PTPRM: variants seen among roughly 807,000 people sequenced by gnomAD.
PTPRM encodes protein tyrosine phosphatase receptor type M.
In PTPRM, 47 loss-of-function variants were observed where a neutral mutation model predicts 186.7. The observed-to-expected ratio is 0.25, with a 90% CI of 0.20 to 0.32. The LOEUF (loss-of-function observed/expected upper bound fraction) is 0.32. PTPRM is among the 10% of genes least tolerant of loss of function. The pLI, the probability that PTPRM is intolerant of heterozygous loss-of-function variation, is 1.00. For synonymous variants in PTPRM, 668 were observed against 674.9 expected (o/e 0.99, Z 0.16); for missense variants, 1,494 against 1,865.0 (o/e 0.80, Z 3.66).
intron 1 of PTPRM, among the ~76,000 whole-genome samples, chr18:7,663,896 C>T (rs903727858): frequency 2.0e-5 from 3 of 152,140 alleles, no homozygotes; most frequent in African/African-American, 7.2e-5. Context: ...CTCTGCCCCC[C>T]TCCAGCCCCA....
At chr18:8,092,501 C>T (rs1356189585) in intron 11 of PTPRM, among the ~76,000 whole-genome samples, 3 of 152,216 alleles carry the variant, frequency 2.0e-5, no homozygotes, top group Non-Finnish European at 2.9e-5. Context: ...GCAGTCTTGA[C>T]CTTCTGAGGC....
At chr18:8,179,895 A>C (rs1377232713) in intron 14 of PTPRM, among the ~76,000 whole-genome samples, 1 of 152,154 alleles carries the variant, frequency 6.6e-6, no homozygotes, top group African/African-American at 2.4e-5. Context: ...CTTTACCTTT[A>C]TAACCTTTGA....
At chr18:7,622,090 G>A (rs2143981308) in intron 1 of PTPRM, among the ~76,000 whole-genome samples, 1 of 152,284 alleles carries the variant, frequency 6.6e-6, no homozygotes, top group South Asian at 2.1e-4. Context: ...TGATGAATGA[G>A]GGTTCCTGCT....
At chr18:7,783,566 A>G (rs371663180) in intron 2 of PTPRM, among the ~76,000 whole-genome samples, 1 of 151,726 alleles carries the variant, frequency 6.6e-6, no homozygotes, top group African/African-American at 2.4e-5. Flanking sequence ...TTTTATTATT[A>G]TTTTATTTAT....
intron 7 of PTPRM, among the ~76,000 whole-genome samples, chr18:7,999,018 G>A (rs185839498): frequency 6.6e-6 from 1 of 152,252 alleles, no homozygotes; most frequent in East Asian, 1.9e-4. Flanking sequence ...TTTATAATTT[G>A]TATTCATTCC....
intron 1 of PTPRM, among the ~76,000 whole-genome samples, chr18:7,707,602 G>C (rs1399781143): frequency 2.0e-5 from 3 of 152,082 alleles, no homozygotes; most frequent in African/African-American, 7.2e-5. Flanking sequence ...TCATGCAACT[G>C]TACTCTAGGC....
At chr18:8,289,712 A>G (rs539361741) in intron 19 of PTPRM, among the ~76,000 whole-genome samples, 4 of 151,528 alleles carry the variant, frequency 2.6e-5, no homozygotes, top group African/African-American at 9.7e-5. Flanking sequence ...AGATAATTGT[A>G]CGATAACAAT....
At chr18:7,963,136 C>T (rs774543485) in intron 7 of PTPRM, among the ~76,000 whole-genome samples, 4 of 152,190 alleles carry the variant, frequency 2.6e-5, no homozygotes, top group Non-Finnish European at 5.9e-5. Context: ...AGTACCTTCC[C>T]TATTATGCTG....
chr18:7,973,045 A>T (rs1213141377), intron 7 of PTPRM, among the ~76,000 whole-genome samples: 1 of 152,174 alleles, frequency 6.6e-6, no homozygotes, highest in African/African-American at 2.4e-5. Context: ...TTATATAAAC[A>T]TATATAACCC....
chr18:7,790,903 T>A (rs896807323), intron 2 of PTPRM, among the ~76,000 whole-genome samples: 2 of 151,840 alleles, frequency 1.3e-5, no homozygotes, highest in African/African-American at 4.8e-5. Context: ...AAATGAAAGT[T>A]GGTTTTAAAA....
chr18:8,330,061 C>T (rs1006964001), intron 22 of PTPRM, among the ~76,000 whole-genome samples: 1 of 152,174 alleles, frequency 6.6e-6, no homozygotes, highest in African/African-American at 2.4e-5. Flanking sequence ...CCTCAGCCTC[C>T]CAAATTGCTG....
Position 7,965,261 on chromosome 18 carries a change from G to C in PTPRM, c.1132+9847G>C, listed in dbSNP as rs114929804. ...GGGTTTCACCATGTTAATCAGGCTGGTAGTGAACTCCTGACCTCAGGTGAT... is the reference window on the plus strand; with the variant it reads ...GGGTTTCACCATGTTAATCAGGCTGCTAGTGAACTCCTGACCTCAGGTGAT... On this transcript the variant is annotated intron_variant, in intron 7 of 32. Coordinates refer to ENST00000580170, the MANE Select transcript of PTPRM (RefSeq NM_001105244.2). Among the ~76,000 whole-genome samples the C allele has an allele frequency of 3.5e-3, 534 of 152,148 alleles. 1 individual carries two copies. The highest frequency in any genetic ancestry group is 0.012 in the African/African-American group (509 of 41,506).
intron 21 of PTPRM, among the ~76,000 whole-genome samples, chr18:8,316,290 G>C (rs1022669038): frequency 1.3e-5 from 2 of 152,198 alleles, no homozygotes; most frequent in African/African-American, 4.8e-5. Flanking sequence ...GCACATGCCT[G>C]AATATAGAGA....
intron 11 of PTPRM, 115 bp downstream of exon 11, chr18:8,088,966 CAT>C: frequency 1.3e-6 from 1 of 778,888 alleles, no homozygotes. Flanking sequence ...CATGTAAATC[CAT>C]ATGTTTATTA....
intron 11 of PTPRM, among the ~76,000 whole-genome samples, chr18:8,112,969 A>G (rs2091821739): frequency 6.6e-6 from 1 of 152,208 alleles, no homozygotes; most frequent in African/African-American, 2.4e-5. Context: ...AGTGCAAAGG[A>G]ACATAAGAAA....
intron 1 of PTPRM, among the ~76,000 whole-genome samples, chr18:7,762,088 C>G (rs1299835740): frequency 1.3e-5 from 2 of 152,124 alleles, no homozygotes; most frequent in African/African-American, 4.8e-5. Flanking sequence ...ATGAACAGAA[C>G]ATTGTCCTTG....
intron 2 of PTPRM, among the ~76,000 whole-genome samples, chr18:7,805,455 C>T (rs2044186617): frequency 6.6e-6 from 1 of 152,198 alleles, no homozygotes; most frequent in Non-Finnish European, 1.5e-5. Context: ...CTTTCACTTC[C>T]ATCTTGGTAC....
chr18:7,861,096 C>G (rs993224766), intron 2 of PTPRM, among the ~76,000 whole-genome samples: 1 of 152,156 alleles, frequency 6.6e-6, no homozygotes, highest in Admixed American at 6.5e-5. Context: ...AGCCCATGAT[C>G]TCCCTGAAGC....
chr18:8,253,719 G>C (rs1250103735), intron 19 of PTPRM, among the ~76,000 whole-genome samples: 1 of 152,182 alleles, frequency 6.6e-6, no homozygotes, highest in African/African-American at 2.4e-5. Flanking sequence ...TTGAATCTGC[G>C]GGTGCAGAAT....
Sources: gnomAD v4.1 joint callset for allele counts (sites outside exome capture counted in the v4.1 genomes callset) on GRCh38, gnomAD v4.1.1 for gene constraint, MANE v1.5 for transcripts, NCBI Gene and HGNC (gene_info 2026-07-23, HGNC 2026-07-21) for gene names.